The following MEGF11 variants were observed in gnomAD, a reference collection of about 807,000 sequenced individuals.
MEGF11 encodes the protein multiple epidermal growth factor-like domains protein 11.
In MEGF11, 126 loss-of-function variants were observed where a neutral mutation model predicts 146.6. The ratio of observed to expected loss-of-function variants is 0.86; its 90% confidence interval spans 0.74 to 1.00. The LOEUF (loss-of-function observed/expected upper bound fraction) is 1.00, where lower values mean the gene tolerates loss of function less well. MEGF11 is among the 50% of genes least tolerant of loss of function. The probability of loss-of-function intolerance (pLI) is 0.00; values close to 1 mark genes in which losing one functional copy is unlikely to be tolerated. For missense variants in MEGF11, 1,509 were observed against 1,521.2 expected (o/e 0.99, Z 0.13); for synonymous variants, 532 against 583.4 (o/e 0.91, Z 1.27).
chr15:66,010,915 C>CCGT (rs1555461117), intron 5 of MEGF11, among the ~76,000 whole-genome samples: 1,747 of 151,812 alleles, frequency 0.012, 23 homozygotes, highest in South Asian at 0.034. Flanking sequence ...AAGTGGGAAG[C>CCGT]CATTGGGTGT....
chr15:66,060,923 C>T (rs1215903838), intron 5 of MEGF11, among the ~76,000 whole-genome samples: 2 of 152,214 alleles, frequency 1.3e-5, no homozygotes, highest in African/African-American at 2.4e-5. Flanking sequence ...GCAGTCTGGG[C>T]AAACCCACCT....
intron 5 of MEGF11, among the ~76,000 whole-genome samples, chr15:66,090,084 G>GAAATT (rs1352128983): frequency 1.3e-5 from 2 of 152,210 alleles, no homozygotes; most frequent in African/African-American, 4.8e-5. Context: ...GGAGCAGAAA[G>GAAATT]AAATTAGTCC....
intron 3 of MEGF11, among the ~76,000 whole-genome samples, chr15:66,120,428 A>G (rs1440326724): frequency 6.6e-6 from 1 of 152,184 alleles, no homozygotes; most frequent in Non-Finnish European, 1.5e-5. Flanking sequence ...ATCAGCACCC[A>G]AGGGGAGCTT....
chr15:66,058,344 T>G (rs1313651872), intron 5 of MEGF11, among the ~76,000 whole-genome samples: 2 of 152,306 alleles, frequency 1.3e-5, no homozygotes, highest in South Asian at 2.1e-4. Flanking sequence ...AGCCTGGAAG[T>G]TTGAAATGCG....
At chr15:66,240,098 A>G (rs138712592) in intron 1 of MEGF11, among the ~76,000 whole-genome samples, 3 of 151,982 alleles carry the variant, frequency 2.0e-5, no homozygotes, top group South Asian at 4.2e-4. Context: ...GCTCCACCCC[A>G]GCCCCCCAAT....
intron 5 of MEGF11, among the ~76,000 whole-genome samples, chr15:66,085,765 G>C (rs1346635846): frequency 6.6e-6 from 1 of 152,102 alleles, no homozygotes; most frequent in Non-Finnish European, 1.5e-5. Flanking sequence ...ACAAAACAAG[G>C]CTCTTCAACA....
intron 5 of MEGF11, among the ~76,000 whole-genome samples, chr15:66,085,957 A>G (rs762756667): frequency 1.1e-4 from 16 of 152,208 alleles, no homozygotes; most frequent in Non-Finnish European, 1.3e-4. Flanking sequence ...TCAAGGAAAT[A>G]AATAAAGAAA....
chr15:65,998,524 C>A (rs1421682287), intron 5 of MEGF11, among the ~76,000 whole-genome samples: 1 of 152,170 alleles, frequency 6.6e-6, no homozygotes, highest in Non-Finnish European at 1.5e-5. Context: ...GGAGGCCTCA[C>A]TAAATATAGT....
rs1852840959 is a variant in MEGF11, at chr15:66,223,717, A to C, written c.-9+29888T>G. On this transcript the variant is annotated intron_variant, in intron 1 of 25. Transcript: ENST00000395614. ...CAGCCTGGGCAACAGAGCAAGGCTC[A>C]GTCTCAAAAAAATAAAATAAAAATG... Among the ~76,000 whole-genome samples, 4 of 152,204 alleles carry C rather than the reference A, an allele frequency of 2.6e-5. No individual in the cohort carries two copies. In the South Asian group the frequency reaches 8.3e-4, roughly 32 times the overall value.
In MEGF11 at chr15:65,926,343, C is replaced by T. The variant is rs539599299; in HGVS notation, c.1675+2082G>A. On this transcript the variant is annotated intron_variant, in intron 13 of 25. Transcript: ENST00000395614. The stretch of plus-strand genomic sequence containing the variant: ...TGGAGATAATCTTTAAAGCCTCCCC[C>T]ACTTTAAGGGGAAAAATTATGAATG... 1.2e-4 allele frequency among the ~76,000 whole-genome samples: 18 copies of T among 152,360 alleles called. No individual in the cohort carries two copies. In the South Asian group the frequency reaches 3.5e-3, roughly 30 times the overall value.
rs570022313 is a variant in MEGF11, at chr15:66,128,418, A to G, written c.-8-7T>C. 2.1e-6 allele frequency: 3 copies of G among 1,419,686 alleles called. No homozygotes were observed. The highest frequency in any genetic ancestry group is 2.8e-5 in the East Asian group (1 of 35,692). The allele number at this position is 1,419,686 out of a possible 1,614,324, so 87.9% of individuals were successfully genotyped here. A position where few individuals can be genotyped will look rare whatever the true frequency, so the allele number is the denominator to read the frequency against. Reference sequence around the variant, plus strand: ...GAGAGCACCATCCCGGGCCCTGCACAGGAGAACAAAGGAGGCTGCGTCTGT... The same window carrying G: ...GAGAGCACCATCCCGGGCCCTGCACGGGAGAACAAAGGAGGCTGCGTCTGT... On this transcript the variant is annotated splice_polypyrimidine_tract_variant and splice_region_variant and intron_variant, in intron 1 of 25. Coordinates refer to ENST00000395614, the MANE Select transcript of MEGF11 (RefSeq NM_001385028.1).
intron 1 of MEGF11, among the ~76,000 whole-genome samples, chr15:66,224,440 C>T (rs1055237861): frequency 3.3e-5 from 5 of 151,662 alleles, no homozygotes; most frequent in Admixed American, 6.6e-5. Context: ...AAAAACTAGC[C>T]GGGCATGGTG....
intron 10 of MEGF11, among the ~76,000 whole-genome samples, chr15:65,945,705 G>A (rs1159255783): frequency 2.6e-5 from 4 of 152,076 alleles, no homozygotes; most frequent in Non-Finnish European, 1.5e-5. Flanking sequence ...CCTGGGGAAC[G>A]GACACCTCCC....
intron 8 of MEGF11, among the ~76,000 whole-genome samples, chr15:65,968,546 A>G (rs1282189690): frequency 1.3e-5 from 2 of 152,224 alleles, no homozygotes; most frequent in African/African-American, 4.8e-5. Context: ...TGACAACCTA[A>G]TTCATTTACT....
chr15:65,924,059 G>C (rs1345087064), intron 13 of MEGF11, among the ~76,000 whole-genome samples: 1 of 152,160 alleles, frequency 6.6e-6, no homozygotes, highest in African/African-American at 2.4e-5. Flanking sequence ...GTGGGAAAGA[G>C]AAAGAAAGGA....
intron 1 of MEGF11, among the ~76,000 whole-genome samples, chr15:66,138,208 G>A (rs552950314): frequency 2.0e-5 from 3 of 152,296 alleles, no homozygotes; most frequent in Non-Finnish European, 2.9e-5. Context: ...CCAAAGAGCA[G>A]GGGTTCACAG....
intron 5 of MEGF11, among the ~76,000 whole-genome samples, chr15:66,009,519 G>A (rs1443697243): frequency 1.1e-4 from 17 of 152,070 alleles, no homozygotes; most frequent in Admixed American, 1.0e-3. Context: ...TGAGTTGTAG[G>A]GGTGGGTATT....
At chr15:66,234,465 A>G (rs2092045381) in intron 1 of MEGF11, among the ~76,000 whole-genome samples, 1 of 152,230 alleles carries the variant, frequency 6.6e-6, no homozygotes, top group Non-Finnish European at 1.5e-5. Flanking sequence ...ATGTATCTAT[A>G]CGCAACGCTG....
intron 1 of MEGF11, among the ~76,000 whole-genome samples, chr15:66,141,267 TGTGTGTGTGTGTGTGTGTGTGTGAGA>T (rs1315663938): frequency 4.2e-5 from 6 of 142,588 alleles, no homozygotes; most frequent in East Asian, 4.4e-4. Context: ...TGTGTGTGTG[TGTGTGTGTGTGTGTGTGTGTGTGAGA>T]GAGAGAGAGA....
Sources: allele counts gnomAD v4.1 joint callset (sites outside exome capture counted in the v4.1 genomes callset), GRCh38; gene constraint gnomAD v4.1.1; transcripts MANE v1.5; gene names NCBI Gene and HGNC (gene_info 2026-07-23, HGNC 2026-07-21).